The following MROH2B variants were observed in gnomAD, a reference collection of about 807,000 sequenced individuals.
The protein encoded by MROH2B is maestro heat-like repeat-containing protein family member 2B.
In MROH2B, 177 loss-of-function variants were observed where a neutral mutation model predicts 208.6. That is an observed-to-expected ratio of 0.85 (90% CI 0.75 to 0.96). MROH2B has a LOEUF of 0.96. Among genes scored for constraint, MROH2B ranks in the 40% least tolerant of loss-of-function variants. The pLI, the probability that MROH2B is intolerant of heterozygous loss-of-function variation, is 0.00. For missense variants in MROH2B, 2,002 were observed against 1,878.7 expected, an observed-to-expected ratio of 1.07 and a Z score of -1.21; for synonymous variants, 728 against 659.0, an observed-to-expected ratio of 1.10 and a Z score of -1.60.
At chr5:41,000,622 G>GTACT in intron 38 of MROH2B, 56 bp downstream of exon 38, 1 of 1,548,314 alleles carries the variant, frequency 6.5e-7, no homozygotes, top group South Asian at 1.3e-5. Flanking sequence ...AGGCTTATTG[G>GTACT]TACTTCTCAG....
intron 28 of MROH2B, 62 bp downstream of exon 28, chr5:41,017,788 G>T (rs1742003994): frequency 2.6e-6 from 4 of 1,513,978 alleles, no homozygotes; most frequent in Non-Finnish European, 2.7e-6. Context: ...AAGGAGAAAA[G>T]CTGAGAATAA....
chr5:41,006,874 G>T (rs1741611123), intron 34 of MROH2B, among the ~76,000 whole-genome samples: 1 of 152,096 alleles, frequency 6.6e-6, no homozygotes, highest in Admixed American at 6.5e-5. Flanking sequence ...CCTACATATT[G>T]GGTGCAGTGT....
intron 5 of MROH2B, among the ~76,000 whole-genome samples, chr5:41,062,179 G>C (rs2150181833): frequency 6.6e-6 from 1 of 152,202 alleles, no homozygotes; most frequent in South Asian, 2.1e-4. Context: ...TTTTTGTTTT[G>C]TAATAGCCCC....
intron 5 of MROH2B, 149 bp downstream of exon 5, chr5:41,064,323 T>C (rs1743731094): frequency 4.9e-6 from 3 of 613,734 alleles, no homozygotes; most frequent in East Asian, 5.6e-5. Context: ...TGCTGAGGAC[T>C]TTCCATGTGG....
chr5:41,062,737 C>T (rs569121669), intron 5 of MROH2B, among the ~76,000 whole-genome samples: 6 of 152,214 alleles, frequency 3.9e-5, no homozygotes, highest in East Asian at 3.9e-4. Context: ...GCTGTAGAGC[C>T]GGCCATTTAT....
chr5:41,028,474 G>A (rs529771175), intron 24 of MROH2B, among the ~76,000 whole-genome samples: 155 of 152,052 alleles, frequency 1.0e-3, no homozygotes, highest in Non-Finnish European at 1.7e-3. Context: ...ACCCACCACT[G>A]AGAATAAAAC....
chr5:41,008,047 A>C (rs1405250733), intron 33 of MROH2B, among the ~76,000 whole-genome samples: 3 of 152,226 alleles, frequency 2.0e-5, no homozygotes. Flanking sequence ...AAAGTTATGC[A>C]AAATGCAGGG....
In MROH2B at chr5:41,048,457, A is replaced by C; in HGVS notation, c.1551T>G (p.Ser517=). Residue 517 remains serine (S), a synonymous_variant, in exon 16 of 42, where the codon TCT becomes TCG. Transcript: ENST00000399564. Reference sequence around the variant, plus strand: ...GTAACTCCCCTAAACTGGCAGGCATAGATATTACCTGAAGGATAGAAGAGA... The same window carrying C: ...GTAACTCCCCTAAACTGGCAGGCATCGATATTACCTGAAGGATAGAAGAGA... The part of the protein sequence containing the change: ...QQLLARLLVI[S]MPASLGELRG... The C allele has an allele frequency of 1.2e-6, 2 of 1,609,694 alleles. No homozygotes were observed. Among genetic ancestry groups the C allele is most frequent in the South Asian group, 1.1e-5 (1 of 90,168 alleles).
At position 41,069,712 on chromosome 5, in the gene MROH2B, G is replaced by T; in HGVS notation, c.69C>A (p.Asn23Lys). 1 of 1,606,848 alleles carries T rather than the reference G, an allele frequency of 6.2e-7. No homozygotes were observed. The highest frequency in any genetic ancestry group is 8.5e-7 in the Non-Finnish European group (1 of 1,175,952). ...GDINLTLGML[N>K]KEDIVNKEDI... ...CTACCTTGTTAACAATATCTTCCTT[G>T]TTCAGCATGCCAAGAGTGAGGTTAA... Residue 23 changes from asparagine to lysine, a missense_variant, in exon 2 of 42, where the codon AAC becomes AAA. Transcript: ENST00000399564.
rs571329855 is a variant in MROH2B, at chr5:41,015,608, A to T, written c.2885-130T>A. 1.3e-4 allele frequency: 91 copies of T among 712,804 alleles called. No individual in the cohort carries two copies. The African/African-American group carries it at 1.6e-3, about 12-fold the overall frequency. The allele number at this position is 712,804 out of a possible 1,614,324, so 44.2% of individuals were successfully genotyped here. A position where few individuals can be genotyped will look rare whatever the true frequency, so the allele number is the denominator to read the frequency against. On this transcript the variant is annotated intron_variant, in intron 28 of 41. Transcript: ENST00000399564. ...AGATGGTGAACATAAGCGCTAACAC[A>T]TACTGAGTGGTTTCTACATGCTGGG...
chr5:41,000,293 C>T lies in MROH2B; in HGVS notation c.4409G>A (p.Gly1470Glu), dbSNP rs753739948. ...IPFLGLQELY[G>E]VLDRLLDQDL... is the part of the protein sequence containing the mutation. ...CTGATCAAGGAGACGGTCTAATACC[C>T]CATAGAGCTCCTGGAGGCCCAAAAA... Residue 1470 changes from glycine (G) to glutamate (E), a missense_variant, in exon 39 of 42, where the codon GGG (glycine) becomes GAG (glutamate). Transcript: ENST00000399564. The T allele has an allele frequency of 1.2e-6, 2 of 1,613,802 alleles. No individual in the cohort carries two copies. The highest frequency in any genetic ancestry group is 1.1e-5 in the South Asian group (1 of 91,086).
In MROH2B at chr5:41,019,037, G is replaced by A. The variant is rs764835559; in HGVS notation, c.2442-19C>T. The A allele has an allele frequency of 2.3e-5, 37 of 1,613,484 alleles. No individual in the cohort carries two copies. In the South Asian group the frequency reaches 4.1e-4, roughly 18 times the overall value. ...CAGTTTACTGAAATGAGAACCAGGTGGAGGAATGGATATTACAGTGACCAT... is the reference window on the plus strand; with the variant it reads ...CAGTTTACTGAAATGAGAACCAGGTAGAGGAATGGATATTACAGTGACCAT... On this transcript the variant is annotated intron_variant, in intron 24 of 41. Transcript: ENST00000399564.
At chr5:41,053,893 C>G (rs1743363409) in intron 11 of MROH2B, among the ~76,000 whole-genome samples, 1 of 152,132 alleles carries the variant, frequency 6.6e-6, no homozygotes, top group African/African-American at 2.4e-5. Context: ...CATTTTATTC[C>G]AAACAAAATG....
chr5:41,026,242 A>C (rs1413769069), intron 24 of MROH2B, among the ~76,000 whole-genome samples: 1 of 152,228 alleles, frequency 6.6e-6, no homozygotes, highest in African/African-American at 2.4e-5. Context: ...GAGGAAGTCA[A>C]GTTGTCCCTG....
intron 24 of MROH2B, among the ~76,000 whole-genome samples, chr5:41,027,895 G>GGAT (rs1404988097): frequency 4.6e-5 from 7 of 152,118 alleles, no homozygotes; most frequent in African/African-American, 7.2e-5. Context: ...GTAGGGACAT[G>GGAT]GATGAAGCTG....
intron 16 of MROH2B, 130 bp downstream of exon 16, chr5:41,048,194 C>A: frequency 8.8e-7 from 1 of 1,134,990 alleles, no homozygotes; most frequent in Non-Finnish European, 1.2e-6. Context: ...AAATAGCTAT[C>A]TACCTTGCAT....
chr5:41,005,970 G>A (rs996035723), intron 34 of MROH2B, among the ~76,000 whole-genome samples: 1 of 149,900 alleles, frequency 6.7e-6, no homozygotes, highest in African/African-American at 2.5e-5. Context: ...GACAGAGGTT[G>A]CAGTCAGCCG....
In MROH2B at chr5:41,052,604, G is replaced by T. The variant is rs980886608; in HGVS notation, c.1108-17C>A. The T allele has an allele frequency of 3.1e-6, 5 of 1,589,676 alleles. No homozygotes were observed. In the African/African-American group the frequency reaches 5.4e-5, roughly 17 times the overall value. On this transcript the variant is annotated splice_polypyrimidine_tract_variant and intron_variant, in intron 11 of 41. Transcript: ENST00000399564. ...ATTTCTTACCTAGGGTAAGAACAAT[G>T]CAATAGCAACATTTTACTATGTTTT...
At chr5:41,042,631 T>A (rs2150172062) in intron 18 of MROH2B, among the ~76,000 whole-genome samples, 1 of 152,094 alleles carries the variant, frequency 6.6e-6, no homozygotes, top group Admixed American at 6.5e-5. Context: ...TAAGATGGGG[T>A]CTCACCCTGT....
Sources: allele counts gnomAD v4.1 joint callset (sites outside exome capture counted in the v4.1 genomes callset), GRCh38; gene constraint gnomAD v4.1.1; transcripts MANE v1.5; gene names NCBI Gene and HGNC (gene_info 2026-07-23, HGNC 2026-07-21).